The following GAB2 variants were observed in gnomAD, a reference collection of about 807,000 sequenced individuals.
GAB2 encodes GRB2 associated binding protein 2.
In GAB2, 26 loss-of-function variants were observed where a neutral mutation model predicts 65.5. The ratio of observed to expected loss-of-function variants is 0.40; its 90% confidence interval spans 0.29 to 0.55. GAB2 has a LOEUF of 0.55. GAB2 is among the 20% of genes least tolerant of loss of function. The probability of loss-of-function intolerance (pLI) is 0.53; values close to 1 mark genes in which losing one functional copy is unlikely to be tolerated. For missense variants in GAB2, 884 were observed against 875.8 expected, an observed-to-expected ratio of 1.01 and a Z score of -0.12; for synonymous variants, 321 against 329.6, an observed-to-expected ratio of 0.97 and a Z score of 0.28.
rs373680716 is a variant in GAB2 at position 78,225,091 on chromosome 11, G to A, written c.1302+17C>T. The A allele has an allele frequency of 6.4e-7, 1 of 1,572,192 alleles. No homozygotes were observed. Among genetic ancestry groups the A allele is most frequent in the Non-Finnish European group, 8.8e-7 (1 of 1,142,602 alleles). ...AACCAGGCCGGCCTGAGGACCCTTG[G>A]GTTAACCCACACTCACCAGGAAAGA... On this transcript the variant is annotated intron_variant, in intron 5 of 9. Transcript: ENST00000361507.
At position 78,407,750 on chromosome 11, in the gene GAB2, A is replaced by G. The variant is rs201463394; in HGVS notation, c.75+9896T>C. 3.3e-4 allele frequency among the ~76,000 whole-genome samples: 44 copies of G among 134,960 alleles called. 1 individual carries two copies. Among genetic ancestry groups the G allele is most frequent in the South Asian group, 2.9e-3 (11 of 3,770 alleles). 88.5% of individuals were successfully genotyped at this position (134,960 alleles called of 152,430 possible). On this transcript the variant is annotated intron_variant, in intron 1 of 9. Transcript: ENST00000361507. ...AGAAAGAAAGAAAGAAAGAAAGAAA[A>G]AGAAAGAAAGAAAGAAAGAGAGAGA...
At chr11:78,254,799 AAAAAAAG>A (rs376330759) in intron 2 of GAB2, among the ~76,000 whole-genome samples, 3,730 of 151,802 alleles carry the variant, frequency 0.025, 57 homozygotes, top group African/African-American at 0.043. Flanking sequence ...CCTTGTCTCT[AAAAAAAG>A]AAAAAAGAAA....
At chr11:78,344,591 T>C (rs1856150367) in intron 1 of GAB2, among the ~76,000 whole-genome samples, 1 of 152,248 alleles carries the variant, frequency 6.6e-6, no homozygotes, top group African/African-American at 2.4e-5. Flanking sequence ...TACATGACTA[T>C]AGTGTTGCAA....
At chr11:78,338,881 G>C (rs1285138502) in intron 1 of GAB2, among the ~76,000 whole-genome samples, 4 of 152,020 alleles carry the variant, frequency 2.6e-5, no homozygotes, top group Admixed American at 2.6e-4. Flanking sequence ...TGAATTTACT[G>C]ATTCATACAT....
intron 3 of GAB2, among the ~76,000 whole-genome samples, chr11:78,234,764 A>G (rs1451823361): frequency 6.6e-6 from 1 of 152,066 alleles, no homozygotes; most frequent in Non-Finnish European, 1.5e-5. Context: ...CTTGAAATCA[A>G]GTAATATAAA....
intron 1 of GAB2, among the ~76,000 whole-genome samples, chr11:78,371,832 T>C (rs1165249226): frequency 6.6e-6 from 1 of 152,020 alleles, no homozygotes; most frequent in Non-Finnish European, 1.5e-5. Flanking sequence ...AGAAAAAAAA[T>C]AAATAAAAGG....
At position 78,219,106 on chromosome 11, in the gene GAB2, C is replaced by A; in HGVS notation, c.*166G>T. 1.5e-6 allele frequency: 1 copy of A among 648,446 alleles called. No homozygotes were observed. The highest frequency in any genetic ancestry group is 2.6e-6 in the Non-Finnish European group (1 of 383,930). The allele number at this position is 648,446 out of a possible 1,614,324, so 40.2% of individuals were successfully genotyped here. On this transcript the variant is annotated 3_prime_UTR_variant, in exon 10 of 10. Coordinates refer to ENST00000361507, the MANE Select transcript of GAB2 (RefSeq NM_080491.3). ...AGGAGGTGCCTTGATCAGGCCCTCA[C>A]CTCCCAGGGGAAGGGTTCAGGGTCC...
intron 1 of GAB2, among the ~76,000 whole-genome samples, chr11:78,410,555 G>A (rs894336079): frequency 6.6e-6 from 1 of 151,942 alleles, no homozygotes; most frequent in Admixed American, 6.6e-5. Context: ...CAAGAATAAG[G>A]GTTAAAAAAA....
intron 1 of GAB2, among the ~76,000 whole-genome samples, chr11:78,315,934 T>C (rs577204141): frequency 3.9e-5 from 6 of 152,234 alleles, no homozygotes; most frequent in Admixed American, 2.0e-4. Context: ...CTTAATATGG[T>C]TGGGCACCAT....
At chr11:78,274,768 A>G (rs1207437667) in intron 2 of GAB2, among the ~76,000 whole-genome samples, 2 of 152,248 alleles carry the variant, frequency 1.3e-5, no homozygotes, top group African/African-American at 4.8e-5. Context: ...TCAGCCTGCC[A>G]TAGGGACCCC....
At chr11:78,233,890 C>T (rs1488999712) in intron 3 of GAB2, among the ~76,000 whole-genome samples, 1 of 152,200 alleles carries the variant, frequency 6.6e-6, no homozygotes, top group Admixed American at 6.5e-5. Flanking sequence ...AGATTACAGG[C>T]GTGGGCCACC....
intron 1 of GAB2, among the ~76,000 whole-genome samples, chr11:78,329,255 GAGAA>G (rs1478105901): frequency 5.9e-5 from 9 of 152,264 alleles, no homozygotes; most frequent in African/African-American, 2.2e-4. Flanking sequence ...GCGTGGCTAG[GAGAA>G]AGAGAGTAGA....
intron 5 of GAB2, among the ~76,000 whole-genome samples, chr11:78,224,553 C>T (rs568497976): frequency 5.3e-5 from 8 of 152,282 alleles, no homozygotes; most frequent in South Asian, 2.1e-4. Context: ...CTCTATCTGC[C>T]GTGACATACA....
intron 1 of GAB2, among the ~76,000 whole-genome samples, chr11:78,344,959 T>A (rs1466793058): frequency 6.6e-6 from 1 of 152,216 alleles, no homozygotes; most frequent in Non-Finnish European, 1.5e-5. Flanking sequence ...TAAGCATTGT[T>A]AAGCTTATAA....
chr11:78,301,787 A>T (rs1223903428), intron 1 of GAB2, among the ~76,000 whole-genome samples: 2 of 152,238 alleles, frequency 1.3e-5, no homozygotes, highest in African/African-American at 4.8e-5. Flanking sequence ...ACCTGATTTC[A>T]AACTATACTA....
chr11:78,337,783 G>C (rs1034756173), intron 1 of GAB2, among the ~76,000 whole-genome samples: 2 of 128,740 alleles, frequency 1.6e-5, no homozygotes, highest in African/African-American at 5.7e-5. Context: ...TCCAAACTTA[G>C]CTAAGAAGCC....
At position 78,333,351 on chromosome 11, in the gene GAB2, G is replaced by A. The variant is rs562432382; in HGVS notation, c.76-52450C>T. On this transcript the variant is annotated intron_variant, in intron 1 of 9. Coordinates refer to ENST00000361507, the MANE Select transcript of GAB2 (RefSeq NM_080491.3). Reference sequence around the variant, plus strand: ...TGCGATCATGGCTCACTCCAGCCTCGAATCCTGAGCTGAAGCAATCTTCCT... The same window carrying A: ...TGCGATCATGGCTCACTCCAGCCTCAAATCCTGAGCTGAAGCAATCTTCCT... 7.2e-5 allele frequency among the ~76,000 whole-genome samples: 11 copies of A among 152,196 alleles called. No individual in the cohort carries two copies. In the East Asian group the frequency reaches 9.7e-4, roughly 13 times the overall value.
chr11:78,328,751 G>C (rs1855866917), intron 1 of GAB2, among the ~76,000 whole-genome samples: 1 of 131,288 alleles, frequency 7.6e-6, no homozygotes, highest in South Asian at 2.7e-4. Flanking sequence ...AAAAAAATCA[G>C]AATGATTGTT....
At chr11:78,273,236 C>A (rs1189657829) in intron 2 of GAB2, among the ~76,000 whole-genome samples, 1 of 152,234 alleles carries the variant, frequency 6.6e-6, no homozygotes, top group African/African-American at 2.4e-5. Context: ...AATGGTAGAT[C>A]CACTGACAGC....
Sources: allele counts gnomAD v4.1 joint callset (sites outside exome capture counted in the v4.1 genomes callset), GRCh38; gene constraint gnomAD v4.1.1; transcripts MANE v1.5; gene names NCBI Gene and HGNC (gene_info 2026-07-23, HGNC 2026-07-21).